Variants in WDR54 observed in about 807,000 individuals in gnomAD.
WDR54 encodes WD repeat domain 54.
WDR54 carries 44 observed loss-of-function variants against 44.1 expected under a neutral mutation model. The ratio of observed to expected loss-of-function variants is 1.00; its 90% CI spans 0.78 to 1.28. The LOEUF is 1.28. Ranked by LOEUF, WDR54 falls within the 50% of genes most tolerant of loss-of-function variation. The pLI is 0.00. For missense variants in WDR54, 409 were observed against 429.7 expected, an observed-to-expected ratio of 0.95 and a Z score of 0.43; for synonymous variants, 169 against 169.8, an observed-to-expected ratio of 1.00 and a Z score of 0.04.
intron 6 of WDR54, 31 bp downstream of exon 6, chr2:74,424,013 C>A (rs1233708032): frequency 6.2e-7 from 1 of 1,612,648 alleles, no homozygotes; most frequent in Non-Finnish European, 8.5e-7. Flanking sequence ...CATCTGGGAG[C>A]CTTCCCCACC....
chr2:74,421,741 C>G lies in WDR54; in HGVS notation c.-77C>G, dbSNP rs2103848324. 1 of 601,902 alleles carries G rather than the reference C, an allele frequency of 1.7e-6. No individual in the cohort carries two copies. The highest frequency in any genetic ancestry group is 3.0e-6 in the Non-Finnish European group (1 of 329,150). 37.3% of individuals were successfully genotyped at this position (601,902 alleles called of 1,614,324 possible). On this transcript the variant is annotated 5_prime_UTR_variant, in exon 1 of 10. Transcript: ENST00000348227. ...CCCGCCCAAGGGCCGTGCGTACGTG[C>G]GTCGTCTCTATGGTGGCGGCGGATT...
In WDR54 at chr2:74,425,439, C is replaced by T. The variant is rs1670331612; in HGVS notation, c.821C>T (p.Thr274Ile). The change falls in exon 9 of 10, where the codon ACC (threonine) becomes ATC (isoleucine). Residue 274 changes from threonine (T) to isoleucine (I), a missense_variant. Physicochemically the swap from Thr to Ile is moderately conservative, Grantham distance 89. Transcript: ENST00000348227. ...CAGCTACTCTCTGCAGGTGAGGACA[C>T]CTTTGTGCATATCTGGAAGCTGAGC... ...VGKLLSAGED[T>I]FVHIWKLSRN... 6.2e-7 allele frequency: 1 copy of T among 1,614,094 alleles called. No homozygotes were observed. The highest frequency in any genetic ancestry group is 2.2e-5 in the East Asian group (1 of 44,900).
In WDR54 at chr2:74,423,862, G is replaced by C. The variant is rs2103856755; in HGVS notation, c.414G>C (p.Trp138Cys). The C allele has an allele frequency of 2.5e-6, 4 of 1,614,130 alleles. No individual in the cohort carries two copies. The highest frequency in any genetic ancestry group is 2.2e-5 in the East Asian group (1 of 44,886). The change falls in exon 6 of 10, where the codon TGG becomes TGC. Residue 138 changes from tryptophan (W) to cysteine (C), a missense_variant. Coordinates refer to ENST00000348227, the MANE Select transcript of WDR54 (RefSeq NM_032118.4). ...TACTGGTTCTGGATACAGGAACGTG[G>C]TCAGGCCGGGTGCTGGTGTTTGACA... ...ASGHFICVGT[W>C]SGRVLVFDIP...
At chr2:74,422,638 A>AC (rs1428670201) in intron 2 of WDR54, 1 of 610,350 alleles carries the variant, frequency 1.6e-6, no homozygotes, top group African/African-American at 1.9e-5. Flanking sequence ...AAGAATACAA[A>AC]AAAAATTAAC....
chr2:74,422,107 C>A, intron 1 of WDR54, 46 bp from the exon 2 acceptor site: 1 of 1,584,654 alleles, frequency 6.3e-7, no homozygotes, highest in African/African-American at 1.3e-5. Context: ...ATCTCCGCTG[C>A]GTCTGTTTGT....
At chr2:74,425,000 G>T (rs1353564507) in intron 7 of WDR54, 25 bp downstream of exon 7, 1 of 1,614,166 alleles carries the variant, frequency 6.2e-7, no homozygotes, top group East Asian at 2.2e-5. Context: ...AAGGGTAGAG[G>T]GCTTCCTGAG....
rs750399045 is a variant in WDR54 at position 74,423,459 on chromosome 2, T to G, written c.353-19T>G. 6.2e-7 allele frequency: 1 copy of G among 1,613,698 alleles called. No individual in the cohort carries two copies. Among genetic ancestry groups the G allele is most frequent in the African/African-American group, 1.3e-5 (1 of 74,872 alleles). ...TGCAGGAGGGGATATTTCTGATCAT[T>G]CTCCCCTTTCATATTCAGTACAGGC... On this transcript the variant is annotated intron_variant, in intron 4 of 9. Transcript: ENST00000348227.
intron 6 of WDR54, among the ~76,000 whole-genome samples, chr2:74,424,547 CTG>C (rs1670269847): frequency 1.3e-5 from 2 of 152,206 alleles, no homozygotes; most frequent in African/African-American, 4.8e-5. Context: ...CTAGTCATGA[CTG>C]TGACTGGTTC....
At chr2:74,423,129 C>G in intron 3 of WDR54, 190 bp from the exon 4 acceptor site, 1 of 831,322 alleles carries the variant, frequency 1.2e-6, no homozygotes, top group East Asian at 2.5e-5. Flanking sequence ...TGCCCCTTTA[C>G]TAGCTGTATG....
chr2:74,423,946 A>G lies in WDR54; in HGVS notation c.498A>G (p.Pro166=). The G allele has an allele frequency of 6.2e-7, 1 of 1,614,102 alleles. No individual in the cohort carries two copies. The highest frequency in any genetic ancestry group is 8.5e-7 in the Non-Finnish European group (1 of 1,180,002). ...LSEELAGHQM[P]ITDIATEPAQ... is the part of the protein sequence containing the mutation. The stretch of plus-strand genomic sequence containing the variant: ...AGGAGCTGGCTGGGCACCAGATGCC[A>G]ATCACAGACATTGCCACCGAGCCTG... The change falls in exon 6 of 10, where the codon CCA becomes CCG. Residue 166 remains proline, a synonymous_variant. Transcript: ENST00000348227.
intron 8 of WDR54, 68 bp from the exon 9 acceptor site, chr2:74,425,349 G>T: frequency 6.3e-7 from 1 of 1,599,586 alleles, no homozygotes; most frequent in Non-Finnish European, 8.5e-7. Context: ...TGGGGCACCT[G>T]GACTGGGGAT....
chr2:74,423,675 A>T (rs1218586138), intron 5 of WDR54, 144 bp downstream of exon 5: 3 of 1,431,118 alleles, frequency 2.1e-6, no homozygotes, highest in Non-Finnish European at 2.9e-6. Flanking sequence ...TAAACCATGG[A>T]AGGGTTCAGA....
At position 74,422,196 on chromosome 2, in the gene WDR54, G is replaced by A. The variant is rs952858002; in HGVS notation, c.43G>A (p.Ala15Thr). 6.2e-7 allele frequency: 1 copy of A among 1,613,820 alleles called. No individual in the cohort carries two copies. The highest frequency in any genetic ancestry group is 8.5e-7 in the Non-Finnish European group (1 of 1,180,038). Reference protein sequence around the residue: ...ERSIPLRGSAAALCNNLSVLQ... With the variant: ...ERSIPLRGSATALCNNLSVLQ... ...CTCCATTCCCCTGCGAGGCTCGGCC[G>A]CCGCCCTGTGCAACAACCTCAGTGT... Residue 15 changes from alanine (A) to threonine (T), a missense_variant, in exon 2 of 10, where the codon GCC becomes ACC. Coordinates refer to ENST00000348227, the MANE Select transcript of WDR54 (RefSeq NM_032118.4).
chr2:74,423,144 T>A, intron 3 of WDR54, 175 bp from the exon 4 acceptor site: 1 of 879,236 alleles, frequency 1.1e-6, no homozygotes, highest in Non-Finnish European at 1.9e-6. Context: ...TGTATGTCCT[T>A]ACACTATTAA....
rs192988580 is a variant in WDR54, at chr2:74,425,139, G to A, written c.700G>A (p.Val234Met). The change falls in exon 8 of 10, where the codon GTG (valine) becomes ATG (methionine). Residue 234 changes from valine to methionine, a missense_variant. By Grantham distance (21) the Val-to-Met change is conservative. Coordinates refer to ENST00000348227, the MANE Select transcript of WDR54 (RefSeq NM_032118.4). ...IIAAGYGNGQ[V>M]HLYEATTGNL... The stretch of plus-strand genomic sequence containing the variant: ...AGCAGCAGGCTATGGGAACGGACAA[G>A]TGCATCTATATGAGGCCACTACAGG... The A allele has an allele frequency of 1.3e-6, 2 of 1,565,948 alleles. No individual in the cohort carries two copies. The highest frequency in any genetic ancestry group is 1.3e-5 in the African/African-American group (1 of 74,270).
At chr2:74,424,787 GCA>G in intron 6 of WDR54, 86 bp from the exon 7 acceptor site, 1 of 1,530,612 alleles carries the variant, frequency 6.5e-7, no homozygotes. Flanking sequence ...AGGCAAAGAT[GCA>G]CACACTGCCT....
chr2:74,422,059 G>A, intron 1 of WDR54, 94 bp from the exon 2 acceptor site: 1 of 1,315,110 alleles, frequency 7.6e-7, no homozygotes, highest in South Asian at 1.3e-5. Context: ...CCAGTCTCAG[G>A]CATCTTCCGA....
Position 74,421,811 on chromosome 2 carries a change from C to T in WDR54, c.-7C>T, listed in dbSNP as rs940263673. On this transcript the variant is annotated 5_prime_UTR_variant, in exon 1 of 10. Transcript: ENST00000348227. ...AGGAGTCAGGCGAGCCGATCTGGGG[C>T]TGCAGGTGTTACCTCTGATCTAGGC... 1 of 675,934 alleles carries T rather than the reference C, an allele frequency of 1.5e-6. No homozygotes were observed. The highest frequency in any genetic ancestry group is 1.8e-5 in the African/African-American group (1 of 55,216). 41.9% of individuals were successfully genotyped at this position (675,934 alleles called of 1,614,324 possible).
chr2:74,423,955 C>T lies in WDR54; in HGVS notation c.507C>T (p.Asp169=), dbSNP rs1274666476. ...CTGGGCACCAGATGCCAATCACAGA[C>T]ATTGCCACCGAGCCTGCCCAGGGAC... ...ELAGHQMPIT[D]IATEPAQGQD... Residue 169 remains aspartate, a synonymous_variant, in exon 6 of 10, where the codon GAC becomes GAT. Coordinates refer to ENST00000348227, the MANE Select transcript of WDR54 (RefSeq NM_032118.4). The T allele has an allele frequency of 6.2e-7, 1 of 1,614,146 alleles. No individual in the cohort carries two copies. Among genetic ancestry groups the T allele is most frequent in the African/African-American group, 1.3e-5 (1 of 75,024 alleles).
Sources: allele counts gnomAD v4.1 joint callset (sites outside exome capture counted in the v4.1 genomes callset), GRCh38; gene constraint gnomAD v4.1.1; transcripts MANE v1.5; gene names NCBI Gene and HGNC (gene_info 2026-07-23, HGNC 2026-07-21).